CACNA1A: variants seen among roughly 807,000 people sequenced by gnomAD.
CACNA1A encodes the protein voltage-dependent P/Q-type calcium channel subunit alpha-1A.
In CACNA1A, 57 loss-of-function variants were observed where a neutral mutation model predicts 262.4. That is an observed-to-expected ratio of 0.22 (90% CI 0.18 to 0.27). The LOEUF (loss-of-function observed/expected upper bound fraction) is 0.27. Ranked by LOEUF, CACNA1A falls within the 10% of genes least tolerant of loss-of-function variation. The pLI is 1.00. For synonymous variants in CACNA1A, 1,431 were observed against 1,419.3 expected, an observed-to-expected ratio of 1.01 and a Z score of -0.18; for missense variants, 2,526 against 3,562.8, an observed-to-expected ratio of 0.71 and a Z score of 7.41.
At chr19:13,464,254 C>A (rs1005046011) in intron 1 of CACNA1A, among the ~76,000 whole-genome samples, 11 of 152,050 alleles carry the variant, frequency 7.2e-5, no homozygotes, top group African/African-American at 2.2e-4. Flanking sequence ...AGAAAACTAG[C>A]CAGGCATGTT....
intron 19 of CACNA1A, among the ~76,000 whole-genome samples, chr19:13,293,097 G>A (rs1212564930): frequency 1.3e-5 from 2 of 152,090 alleles, no homozygotes; most frequent in African/African-American, 2.4e-5. Flanking sequence ...TGGGCAAGCT[G>A]GGTCCTTATT....
At chr19:13,360,268 T>TATATATATATATATATATATATATAC (rs2059081940) in intron 5 of CACNA1A, among the ~76,000 whole-genome samples, 1 of 22,328 alleles carries the variant, frequency 4.5e-5, no homozygotes, top group African/African-American at 2.6e-4. Flanking sequence ...TGTGTGTGTA[T>TATATATATATATATATATATATATAC]ATATATATAT....
At chr19:13,324,342 G>A (rs569580772) in intron 10 of CACNA1A, among the ~76,000 whole-genome samples, 92 of 152,018 alleles carry the variant, frequency 6.1e-4, no homozygotes, top group Non-Finnish European at 1.0e-3. Flanking sequence ...GCATTGCATC[G>A]CATTTAGTGA....
At chr19:13,315,196 C>CTTTTTTT (rs60520404) in intron 11 of CACNA1A, 12 of 109,704 alleles carry the variant, frequency 1.1e-4, no homozygotes, top group Non-Finnish European at 1.5e-4. Context: ...TAATGTGTAT[C>CTTTTTTT]TTTTTTTTTT....
intron 6 of CACNA1A, among the ~76,000 whole-genome samples, chr19:13,347,059 G>GTTTTTTTTT (rs1207564258): frequency 1.2e-4 from 7 of 58,390 alleles, no homozygotes; most frequent in South Asian, 1.1e-3. Flanking sequence ...TGTTTTTTTT[G>GTTTTTTTTT]TTTTTTTGTT....
Position 13,254,035 on chromosome 19 carries a change from G to A in CACNA1A, c.4756-934C>T, listed in dbSNP as rs567671685. Among the ~76,000 whole-genome samples the A allele has an allele frequency of 6.1e-4, 93 of 152,148 alleles. 1 individual carries two copies. Among genetic ancestry groups the A allele is most frequent in the African/African-American group, 2.2e-3 (92 of 41,500 alleles). ...ATTACAGGTGTGAGCCACCTTGCCC[G>A]GCCACTATTGATCGTTTTTGAAGTG... is the stretch of plus-strand genomic sequence containing the variant. On this transcript the variant is annotated intron_variant, in intron 29 of 46. Transcript: ENST00000360228.
chr19:13,300,552 A>G lies in CACNA1A; in HGVS notation c.2277T>C (p.Ala759=). The change falls in exon 18 of 47, where the codon GCT becomes GCC. Residue 759 remains alanine (A), a splice_region_variant and synonymous_variant. Transcript: ENST00000360228. ...TCCCAGGGATTAGGGGCACTTACAC[A>G]GCTATAGACATGTTGGCCGCGGACA... ...SPLSAANMSI[A]VKEQQKNQKP... is the part of the protein sequence containing the mutation. The G allele has an allele frequency of 6.2e-7, 1 of 1,608,502 alleles. No individual in the cohort carries two copies. The highest frequency in any genetic ancestry group is 8.5e-7 in the Non-Finnish European group (1 of 1,174,978).
At chr19:13,221,249 T>TCTTTCTTTCTTTCTTTCTTCTTTC (rs1197075563) in intron 38 of CACNA1A, among the ~76,000 whole-genome samples, 1 of 80,642 alleles carries the variant, frequency 1.2e-5, no homozygotes. Context: ...TTTTTTTTTT[T>TCTTTCTTTCTTTCTTTCTTCTTTC]TTGAGACAGA....
chr19:13,337,032 C>T (rs1161496998), intron 6 of CACNA1A, among the ~76,000 whole-genome samples: 1 of 152,174 alleles, frequency 6.6e-6, no homozygotes, highest in Non-Finnish European at 1.5e-5. Context: ...ACTGCTGCTG[C>T]CTGGAAGAAA....
At chr19:13,325,092 TTCC>T (rs36185616) in intron 10 of CACNA1A, among the ~76,000 whole-genome samples, 40 of 136,042 alleles carry the variant, frequency 2.9e-4, no homozygotes, top group Non-Finnish European at 5.5e-4. Context: ...CCCCTTCCCC[TTCC>T]TCCTCTTCTT....
intron 1 of CACNA1A, among the ~76,000 whole-genome samples, chr19:13,487,936 G>A (rs1980231917): frequency 6.6e-6 from 1 of 151,908 alleles, no homozygotes; most frequent in African/African-American, 2.4e-5. Flanking sequence ...CTCCCAAGCA[G>A]CTAGGACTAC....
At chr19:13,310,514 G>GAAGAGA (rs2058010297) in intron 12 of CACNA1A, among the ~76,000 whole-genome samples, 1 of 9,520 alleles carries the variant, frequency 1.1e-4, no homozygotes, top group Non-Finnish European at 1.6e-4. Flanking sequence ...ATATATATAT[G>GAAGAGA]TAGAGAGAGA....
chr19:13,375,449 A>G (rs1257867334), intron 3 of CACNA1A, among the ~76,000 whole-genome samples: 1 of 152,114 alleles, frequency 6.6e-6, no homozygotes, highest in Admixed American at 6.6e-5. Flanking sequence ...CTCACTTTAA[A>G]TTAAAAGCTA....
At chr19:13,234,653 T>G (rs2055805915) in intron 34 of CACNA1A, among the ~76,000 whole-genome samples, 1 of 151,806 alleles carries the variant, frequency 6.6e-6, no homozygotes, top group South Asian at 2.1e-4. Flanking sequence ...AAAAGAAGGA[T>G]AAGAGCACAT....
chr19:13,359,229 G>T (rs1041691139), intron 6 of CACNA1A, among the ~76,000 whole-genome samples: 5 of 152,168 alleles, frequency 3.3e-5, no homozygotes, highest in African/African-American at 1.2e-4. Context: ...GAGAAGGACT[G>T]GGTGAGCCTC....
chr19:13,330,993 A>G (rs10426533), intron 9 of CACNA1A, among the ~76,000 whole-genome samples: 31,848 of 152,006 alleles, frequency 0.21, 3,636 homozygotes, highest in African/African-American at 0.31. Context: ...TTCTGCCCCC[A>G]TATTCAAGCT....
At chr19:13,424,298 G>A (rs1381757143) in intron 3 of CACNA1A, among the ~76,000 whole-genome samples, 1 of 152,154 alleles carries the variant, frequency 6.6e-6, no homozygotes, top group Non-Finnish European at 1.5e-5. Flanking sequence ...GAACCTGGGA[G>A]GTGGAAGTTA....
chr19:13,235,147 CCTTT>C, intron 33 of CACNA1A, 58 bp downstream of exon 33: 1 of 1,578,322 alleles, frequency 6.3e-7, no homozygotes, highest in Non-Finnish European at 8.7e-7. Context: ...CTGACCCACC[CCTTT>C]CTAAGGGTGG....
chr19:13,489,184 G>T (rs2145119183), intron 1 of CACNA1A, among the ~76,000 whole-genome samples: 1 of 151,420 alleles, frequency 6.6e-6, no homozygotes, highest in Admixed American at 6.6e-5. Context: ...GCTAATTTTT[G>T]TATTTTTAGT....
Sources: allele counts gnomAD v4.1 joint callset (sites outside exome capture counted in the v4.1 genomes callset), GRCh38; gene constraint gnomAD v4.1.1; transcripts MANE v1.5; gene names NCBI Gene and HGNC (gene_info 2026-07-23, HGNC 2026-07-21).